Variants in MED12L observed in about 807,000 individuals in gnomAD.
The protein encoded by MED12L is mediator complex subunit 12L.
MED12L carries 60 observed loss-of-function variants against 281.3 expected under a neutral mutation model. The ratio of observed to expected loss-of-function variants is 0.21; its 90% CI spans 0.17 to 0.26. The LOEUF is 0.26. MED12L is among the 10% of genes least tolerant of loss of function. MED12L has a pLI of 1.00. For synonymous variants in MED12L, 974 were observed against 987.2 expected (o/e 0.99, Z 0.25); for missense variants, 2,146 against 2,680.9 (o/e 0.80, Z 4.41).
At position 151,313,711 on chromosome 3, in the gene MED12L, G is replaced by T. The variant is rs186049536; in HGVS notation, c.2251-36348G>T. 1.8e-3 allele frequency among the ~76,000 whole-genome samples: 278 copies of T among 152,238 alleles called. 1 individual carries two copies. The highest frequency in any genetic ancestry group is 6.5e-3 in the African/African-American group (269 of 41,530). ...ATACAAAAATTAGCTGGGCATGGTC[G>T]TGGGCGCCTATAATCCCAGCCACTT... On this transcript the variant is annotated intron_variant, in intron 16 of 44. Transcript: ENST00000687756.
intron 16 of MED12L, among the ~76,000 whole-genome samples, chr3:151,238,038 AT>A (rs1333996625): frequency 3.9e-5 from 6 of 152,196 alleles, no homozygotes; most frequent in Admixed American, 1.3e-4. Flanking sequence ...AAATTTACCA[AT>A]TTTAAGGATC....
intron 11 of MED12L, among the ~76,000 whole-genome samples, chr3:151,172,448 G>T (rs1721554084): frequency 6.6e-6 from 1 of 152,206 alleles, no homozygotes; most frequent in Non-Finnish European, 1.5e-5. Context: ...CTCATAGTGG[G>T]CCCCTTGGGG....
intron 21 of MED12L, among the ~76,000 whole-genome samples, chr3:151,362,306 C>T (rs1754708296): frequency 6.6e-6 from 1 of 152,046 alleles, no homozygotes; most frequent in Non-Finnish European, 1.5e-5. Flanking sequence ...TAAAATTCAC[C>T]ATCCCTACCT....
intron 16 of MED12L, chr3:151,201,037 AATG>A (rs1725489843): frequency 6.6e-6 from 1 of 152,180 alleles, no homozygotes; most frequent in African/African-American, 2.4e-5. Flanking sequence ...TAGAAATGAT[AATG>A]ATTATTATTA....
intron 43 of MED12L, among the ~76,000 whole-genome samples, chr3:151,428,483 T>C (rs1464271220): frequency 6.6e-6 from 1 of 152,186 alleles, no homozygotes; most frequent in Non-Finnish European, 1.5e-5. Flanking sequence ...TTCTTGTTAT[T>C]AGGAAAGTTG....
chr3:151,326,470 G>T (rs1749609859), intron 16 of MED12L: 1 of 152,586 alleles, frequency 6.6e-6, no homozygotes, highest in Non-Finnish European at 1.5e-5. Flanking sequence ...AGAGGAGGGG[G>T]TGATTGGGTT....
intron 16 of MED12L, among the ~76,000 whole-genome samples, chr3:151,301,329 T>C (rs1359782451): frequency 2.6e-5 from 4 of 152,198 alleles, no homozygotes; most frequent in Non-Finnish European, 5.9e-5. Context: ...TGGAAACATT[T>C]CAAGGAAATT....
chr3:151,429,853 G>A (rs1274037608), intron 43 of MED12L, among the ~76,000 whole-genome samples: 1 of 152,116 alleles, frequency 6.6e-6, no homozygotes, highest in Admixed American at 6.5e-5. Context: ...CTAGTCCTAG[G>A]GCACCACCCT....
At chr3:151,383,289 G>A (rs2108149982) in intron 33 of MED12L, among the ~76,000 whole-genome samples, 1 of 152,262 alleles carries the variant, frequency 6.6e-6, no homozygotes, top group Middle Eastern at 3.4e-3. Context: ...TTCTAACCTT[G>A]TCCCAACACG....
intron 14 of MED12L, among the ~76,000 whole-genome samples, chr3:151,191,876 A>C (rs1302371294): frequency 6.6e-6 from 1 of 152,186 alleles, no homozygotes; most frequent in Non-Finnish European, 1.5e-5. Context: ...ATTGCACTCC[A>C]GCCTGGGCAA....
At chr3:151,289,922 G>A (rs1402614134) in intron 16 of MED12L, among the ~76,000 whole-genome samples, 4 of 150,324 alleles carry the variant, frequency 2.7e-5, no homozygotes, top group African/African-American at 4.9e-5. Flanking sequence ...GCTCTGTCAC[G>A]TGGGCTGGGG....
chr3:151,217,844 C>G (rs151321651), intron 16 of MED12L, among the ~76,000 whole-genome samples: 2 of 152,204 alleles, frequency 1.3e-5, no homozygotes, highest in African/African-American at 4.8e-5. Flanking sequence ...GTTCAAGTGT[C>G]TTAGAGCATG....
intron 16 of MED12L, among the ~76,000 whole-genome samples, chr3:151,242,325 A>G (rs1734330629): frequency 6.6e-6 from 1 of 152,242 alleles, no homozygotes; most frequent in South Asian, 2.1e-4. Flanking sequence ...GGGGCAGGGC[A>G]CAGACAAACA....
rs1435442105 is a variant in MED12L at position 151,433,135 on chromosome 3, G to A, written c.*331G>A. On this transcript the variant is annotated 3_prime_UTR_variant, in exon 45 of 45. Transcript: ENST00000687756. ...TTTCTAGAAAGAATGGATTATGATGGATCTAAGGTATTTATGTATTTCATT... is the reference window on the plus strand; with the variant it reads ...TTTCTAGAAAGAATGGATTATGATGAATCTAAGGTATTTATGTATTTCATT... 4 of 214,020 alleles carry A rather than the reference G, an allele frequency of 1.9e-5. No individual in the cohort carries two copies. Among genetic ancestry groups the A allele is most frequent in the Non-Finnish European group, 3.7e-5 (4 of 107,834 alleles). The allele number at this position is 214,020 out of a possible 1,614,324, so 13.3% of individuals were successfully genotyped here. A position where few individuals can be genotyped will look rare whatever the true frequency, so the allele number is the denominator to read the frequency against.
In MED12L at chr3:151,434,901, CTTTT is replaced by C. The variant is rs1375389308; in HGVS notation, c.*2101_*2104del. On this transcript the variant is annotated 3_prime_UTR_variant, in exon 45 of 45. Transcript: ENST00000687756. ...GAAAGCTGTGGGGCATATCTTTTTT[CTTTT>C]TTTAGGTGAGGAAGTTATGCTACGA... is the stretch of plus-strand genomic sequence containing the variant. 6.6e-6 allele frequency: 1 copy of C among 151,952 alleles called. No homozygotes were observed. The highest frequency in any genetic ancestry group is 2.1e-4 in the South Asian group (1 of 4,828). The allele number at this position is 151,952 out of a possible 1,614,324, so 9.4% of individuals were successfully genotyped here. A position where few individuals can be genotyped will look rare whatever the true frequency, so the allele number is the denominator to read the frequency against.
At chr3:151,330,968 A>G (rs966482753) in intron 16 of MED12L, among the ~76,000 whole-genome samples, 1 of 152,232 alleles carries the variant, frequency 6.6e-6, no homozygotes. Context: ...CCCCAAATCC[A>G]TAATCTAAAG....
chr3:151,342,503 CTGAG>C (rs1225933749), intron 16 of MED12L, among the ~76,000 whole-genome samples: 1 of 152,212 alleles, frequency 6.6e-6, no homozygotes, highest in Non-Finnish European at 1.5e-5. Flanking sequence ...ACCAATCTAG[CTGAG>C]TGAATAAAAA....
chr3:151,380,284 G>T, intron 32 of MED12L, 60 bp downstream of exon 32: 1 of 1,185,376 alleles, frequency 8.4e-7, no homozygotes, highest in African/African-American at 1.6e-5. Flanking sequence ...TCATTTATTT[G>T]CCTTTCAAAT....
chr3:151,249,112 C>G (rs1478479181), intron 16 of MED12L: 1 of 152,164 alleles, frequency 6.6e-6, no homozygotes, highest in African/African-American at 2.4e-5. Context: ...CTAATATATG[C>G]TTGCATAAGT....
Sources: allele counts gnomAD v4.1 joint callset (sites outside exome capture counted in the v4.1 genomes callset), GRCh38; gene constraint gnomAD v4.1.1; transcripts MANE v1.5; gene names NCBI Gene and HGNC (gene_info 2026-07-23, HGNC 2026-07-21).